The following DNM1 variants were observed in gnomAD, a reference collection of about 807,000 sequenced individuals.
DNM1 encodes dynamin-1.
A neutral mutation model predicts 104.6 loss-of-function variants in DNM1; 29 were observed. The observed-to-expected ratio is 0.28, with a 90% CI of 0.21 to 0.38. The LOEUF is 0.38. DNM1 is among the 10% of genes least tolerant of loss of function. DNM1 has a pLI of 1.00. For missense variants in DNM1, 640 were observed against 1,189.4 expected, an observed-to-expected ratio of 0.54 and a Z score of 6.79; for synonymous variants, 445 against 475.8, an observed-to-expected ratio of 0.94 and a Z score of 0.84.
intron 1 of DNM1, among the ~76,000 whole-genome samples, chr9:128,212,472 T>C (rs965219704): frequency 1.3e-5 from 2 of 151,502 alleles, no homozygotes; most frequent in African/African-American, 4.9e-5. Flanking sequence ...AAGACCCGGC[T>C]GGAAGGAAGG....
At chr9:128,223,006 T>C (rs962727328) in intron 9 of DNM1, 146 bp downstream of exon 9, 3 of 780,078 alleles carry the variant, frequency 3.8e-6, no homozygotes, top group Non-Finnish European at 6.1e-6. Flanking sequence ...TCTGGCTCCC[T>C]GCATGACAGG....
rs1485663359 is a variant in DNM1, at chr9:128,239,915, C to A, written c.1546-70C>A. The A allele has an allele frequency of 3.1e-6, 5 of 1,601,980 alleles. No homozygotes were observed. The African/African-American group carries it at 6.7e-5, about 21-fold the overall frequency. On this transcript the variant is annotated intron_variant, in intron 13 of 21. Transcript: ENST00000372923. ...TCAGCTGCCAGCCACAAGCCTCCCA[C>A]TCTGCCTCAGTAACCCTCTCTCCTC... is the stretch of plus-strand genomic sequence containing the variant.
At chr9:128,226,577 A>G (rs1835355594) in intron 10 of DNM1, among the ~76,000 whole-genome samples, 1 of 152,230 alleles carries the variant, frequency 6.6e-6, no homozygotes, top group African/African-American at 2.4e-5. Context: ...AGAAAAGAGA[A>G]GCAGAGTGTG....
chr9:128,232,330 G>C (rs1458518728), intron 10 of DNM1, among the ~76,000 whole-genome samples: 1 of 152,140 alleles, frequency 6.6e-6, no homozygotes, highest in African/African-American at 2.4e-5. Context: ...GGAGCAGTGG[G>C]GTTCACAGGG....
In DNM1 at chr9:128,240,360, G is replaced by A; in HGVS notation, c.1557+364G>A. The A allele has an allele frequency of 3.6e-6, 1 of 278,434 alleles. No homozygotes were observed. Among genetic ancestry groups the A allele is most frequent in the Non-Finnish European group, 6.9e-6 (1 of 144,776 alleles). 17.2% of individuals were successfully genotyped at this position (278,434 alleles called of 1,614,324 possible). A position where few individuals can be genotyped will look rare whatever the true frequency, so the allele number is the denominator to read the frequency against. Reference sequence around the variant, plus strand: ...CATCGCCTCCGGACTTGAATGAAGAGACGAATGAGAAGTCAAGAGAAGTCA... The same window carrying A: ...CATCGCCTCCGGACTTGAATGAAGAAACGAATGAGAAGTCAAGAGAAGTCA... On this transcript the variant is annotated intron_variant, in intron 14 of 21. Coordinates refer to ENST00000372923, the MANE Select transcript of DNM1 (RefSeq NM_004408.4). This position sits in a 1 kb window ranked among gnomAD's most constrained non-coding sequence, Gnocchi z 5.1.
At chr9:128,214,278 C>G (rs2502731) in intron 1 of DNM1, among the ~76,000 whole-genome samples, 1 of 151,866 alleles carries the variant, frequency 6.6e-6, no homozygotes, top group African/African-American at 2.4e-5. Context: ...AGCCATCAGT[C>G]TGTATAAGCC....
intron 10 of DNM1, chr9:128,226,021 C>G (rs1272388428): frequency 6.2e-7 from 1 of 1,612,206 alleles, no homozygotes; most frequent in Non-Finnish European, 8.5e-7. Flanking sequence ...TCCCCACCTC[C>G]TCCCCGGGTG....
chr9:128,219,314 T>A, intron 4 of DNM1, 62 bp downstream of exon 4: 1 of 1,426,628 alleles, frequency 7.0e-7, no homozygotes, highest in Non-Finnish European at 9.9e-7. Context: ...CTATTCTTAG[T>A]GTAAAGGGGA....
chr9:128,233,813 ACCATTTGGAACC>A (rs869050877), intron 10 of DNM1, 196 bp from the exon 11 acceptor site: 7 of 584,330 alleles, frequency 1.2e-5, no homozygotes, highest in African/African-American at 3.8e-5. Flanking sequence ...CCCTTGAATC[ACCATTTGGAACC>A]CACACTTGGG....
chr9:128,208,136 T>G (rs766335620), intron 1 of DNM1, among the ~76,000 whole-genome samples: 2 of 152,046 alleles, frequency 1.3e-5, no homozygotes, highest in Non-Finnish European at 2.9e-5. Flanking sequence ...CTCAGCTCAC[T>G]GCAACCTCCA....
chr9:128,227,009 CTTTTT>C (rs369464140), intron 10 of DNM1, among the ~76,000 whole-genome samples: 1 of 101,770 alleles, frequency 9.8e-6, no homozygotes, highest in Non-Finnish European at 1.9e-5. Context: ...ATCTCCATTC[CTTTTT>C]TTTTTTTTTT....
In DNM1 at chr9:128,240,530, T is replaced by C. The variant is rs1448225359; in HGVS notation, c.1557+534T>C. ...CATAGGTTCCAGAGGCCGTAGTTTC[T>C]TTGTAAGACTCTAGGTGTTTATGTG... On this transcript the variant is annotated intron_variant, in intron 14 of 21. Transcript: ENST00000372923. This position sits in a 1 kb window ranked among gnomAD's most constrained non-coding sequence, Gnocchi z 5.1. The C allele has an allele frequency of 1.3e-5, 2 of 155,520 alleles. No individual in the cohort carries two copies. Among genetic ancestry groups the C allele is most frequent in the African/African-American group, 4.8e-5 (2 of 41,474 alleles). The allele number at this position is 155,520 out of a possible 1,614,324, so 9.6% of individuals were successfully genotyped here.
rs961195383 is a variant in DNM1 at position 128,220,567 on chromosome 9, C to T, written c.849+226C>T. Among the ~76,000 whole-genome samples the T allele has an allele frequency of 6.6e-6, 1 of 152,116 alleles. No individual in the cohort carries two copies. Among genetic ancestry groups the T allele is most frequent in the African/African-American group, 2.4e-5 (1 of 41,430 alleles). On this transcript the variant is annotated intron_variant, in intron 6 of 21. Transcript: ENST00000372923. The surrounding 1 kb of genome is among the most constrained non-coding windows in gnomAD (Gnocchi z 5.2). The stretch of plus-strand genomic sequence containing the variant: ...CCTGCCAGGGAAGCCCTGGAAGTCC[C>T]CAACACAGAGAAGGCCAAGACCTAT...
chr9:128,233,757 G>A, intron 10 of DNM1: 1 of 543,734 alleles, frequency 1.8e-6, no homozygotes, highest in Non-Finnish European at 3.3e-6. Context: ...CCTCTGCCCT[G>A]AAGTTGCCCA....
intron 11 of DNM1, among the ~76,000 whole-genome samples, chr9:128,236,820 C>T (rs1375707502): frequency 1.3e-5 from 2 of 152,200 alleles, no homozygotes; most frequent in African/African-American, 4.8e-5. Flanking sequence ...CCACTGCATT[C>T]CAGCATGGGC....
Position 128,222,628 on chromosome 9 carries a change from T to C in DNM1, c.1128+32T>C. 1.2e-6 allele frequency: 2 copies of C among 1,612,652 alleles called. No homozygotes were observed. Among genetic ancestry groups the C allele is most frequent in the Non-Finnish European group, 1.7e-6 (2 of 1,179,008 alleles). On this transcript the variant is annotated intron_variant, in intron 8 of 21. Coordinates refer to ENST00000372923, the MANE Select transcript of DNM1 (RefSeq NM_004408.4). This position sits in a 1 kb window ranked among gnomAD's most constrained non-coding sequence, Gnocchi z 7.8. ...CAGGCAGCCCTGGGGACAGGATGGC[T>C]CAGGACTCCCCCCACCCTCACTCAG...
At chr9:128,251,969 A>G (rs776342745) in intron 21 of DNM1, 37 of 164,106 alleles carry the variant, frequency 2.3e-4, no homozygotes, top group Admixed American at 2.4e-4. Flanking sequence ...GGCTTGCCCT[A>G]TGATGCTCTG....
chr9:128,215,079 C>T (rs1170916436), intron 1 of DNM1, among the ~76,000 whole-genome samples: 1 of 152,334 alleles, frequency 6.6e-6, no homozygotes, highest in East Asian at 1.9e-4. Context: ...GGCAGGAACC[C>T]GGAAGTGAGT....
chr9:128,211,423 C>T (rs1316581016), intron 1 of DNM1, among the ~76,000 whole-genome samples: 21 of 151,200 alleles, frequency 1.4e-4, no homozygotes, highest in Non-Finnish European at 1.5e-5. Context: ...CCCTCTCTCT[C>T]ACTCTCCTGG....
Sources: allele counts gnomAD v4.1 joint callset (sites outside exome capture counted in the v4.1 genomes callset), GRCh38; gene constraint gnomAD v4.1.1; non-coding constraint Gnocchi (gnomAD v3.1); transcripts MANE v1.5; gene names NCBI Gene and HGNC (gene_info 2026-07-23, HGNC 2026-07-21).